FOXP1: variants seen among roughly 807,000 people sequenced by gnomAD.
FOXP1 encodes forkhead box protein P1.
Under a neutral mutation model 98.2 loss-of-function variants are expected in FOXP1, and 15 were observed. That is an observed-to-expected ratio of 0.15 (90% CI 0.10 to 0.24). The LOEUF (loss-of-function observed/expected upper bound fraction) is 0.24, where lower values mean the gene tolerates loss of function less well. Ranked by LOEUF, FOXP1 falls within the 10% of genes least tolerant of loss-of-function variation. The probability of loss-of-function intolerance (pLI) is 1.00; values close to 1 mark genes in which losing one functional copy is unlikely to be tolerated. For synonymous variants in FOXP1, 371 were observed against 314.5 expected, an observed-to-expected ratio of 1.18 and a Z score of -1.90; for missense variants, 633 against 848.5, an observed-to-expected ratio of 0.75 and a Z score of 3.15.
chr3:71,030,416 T>G (rs1244278719), intron 11 of FOXP1, among the ~76,000 whole-genome samples: 2 of 152,230 alleles, frequency 1.3e-5, no homozygotes, highest in East Asian at 3.8e-4. Context: ...CAGACCAACT[T>G]ACCCCAACAG....
At chr3:71,437,077 C>T (rs558603737) in intron 3 of FOXP1, among the ~76,000 whole-genome samples, 1 of 152,298 alleles carries the variant, frequency 6.6e-6, no homozygotes, top group South Asian at 2.1e-4. Context: ...TAACGTTTCT[C>T]AGTCTCTTTG....
intron 3 of FOXP1, among the ~76,000 whole-genome samples, chr3:71,492,549 T>G (rs553173824): frequency 6.6e-6 from 1 of 152,256 alleles, no homozygotes; most frequent in East Asian, 1.9e-4. Context: ...CCCTTTCTGC[T>G]TCACTACACT....
intron 12 of FOXP1, among the ~76,000 whole-genome samples, chr3:71,003,170 A>C (rs1487708253): frequency 6.6e-6 from 1 of 152,182 alleles, no homozygotes. Context: ...CCCTCGCCAA[A>C]CTGATAAAAG....
chr3:71,087,555 C>A (rs1194828806), intron 7 of FOXP1, among the ~76,000 whole-genome samples: 2 of 152,186 alleles, frequency 1.3e-5, no homozygotes, highest in Non-Finnish European at 2.9e-5. Context: ...CTGGTATTGA[C>A]AAAGGCTTAA....
At chr3:71,047,926 T>C (rs1205812254) in intron 9 of FOXP1, among the ~76,000 whole-genome samples, 1 of 152,232 alleles carries the variant, frequency 6.6e-6, no homozygotes, top group Non-Finnish European at 1.5e-5. Context: ...ATCATTCCTG[T>C]GTTTAGCAGG....
At chr3:71,100,019 A>G (rs2056818470) in intron 7 of FOXP1, among the ~76,000 whole-genome samples, 1 of 152,240 alleles carries the variant, frequency 6.6e-6, no homozygotes, top group South Asian at 2.1e-4. Flanking sequence ...CACAGAGTCT[A>G]TTAGACTTCC....
chr3:71,090,036 T>A (rs1360952153), intron 7 of FOXP1, among the ~76,000 whole-genome samples: 4 of 152,304 alleles, frequency 2.6e-5, no homozygotes, highest in African/African-American at 7.2e-5. Flanking sequence ...CCAGATTTTT[T>A]AAATCTTTGC....
intron 2 of FOXP1, among the ~76,000 whole-genome samples, chr3:71,520,643 GT>G (rs1407183789): frequency 6.6e-6 from 1 of 152,218 alleles, no homozygotes; most frequent in Non-Finnish European, 1.5e-5. Context: ...GATCTAAAAT[GT>G]TCTAGCAAAA....
chr3:71,336,696 C>T (rs975151974), intron 4 of FOXP1, among the ~76,000 whole-genome samples: 5 of 152,206 alleles, frequency 3.3e-5, no homozygotes, highest in Admixed American at 2.6e-4. Flanking sequence ...CACCGTGTTG[C>T]ATCTCCCAGT....
chr3:71,028,014 C>T (rs2046360817), intron 11 of FOXP1, among the ~76,000 whole-genome samples: 1 of 152,050 alleles, frequency 6.6e-6, no homozygotes, highest in East Asian at 1.9e-4. Context: ...TTGATCTGGG[C>T]CTTAACGTAT....
chr3:71,064,569 G>A (rs923970557), intron 7 of FOXP1, among the ~76,000 whole-genome samples: 2 of 151,856 alleles, frequency 1.3e-5, no homozygotes, highest in South Asian at 4.2e-4. Flanking sequence ...AAGGGGGGTG[G>A]GGGGGTATCT....
intron 5 of FOXP1, among the ~76,000 whole-genome samples, chr3:71,272,857 G>A (rs190549643): frequency 6.6e-6 from 1 of 152,214 alleles, no homozygotes. Flanking sequence ...TTCCCGAACT[G>A]CTAGGGGAAA....
chr3:70,982,672 T>C (rs2039057330), intron 14 of FOXP1, among the ~76,000 whole-genome samples: 1 of 152,136 alleles, frequency 6.6e-6, no homozygotes, highest in South Asian at 2.1e-4. Context: ...CTTGGTTGGC[T>C]ACCCACTATT....
At chr3:71,166,873 C>T (rs1279322131) in intron 6 of FOXP1, among the ~76,000 whole-genome samples, 1 of 152,088 alleles carries the variant, frequency 6.6e-6, no homozygotes, top group Non-Finnish European at 1.5e-5. Context: ...GACGATCCTT[C>T]TGAATTGTGT....
At chr3:71,557,479 C>T (rs986920987) in intron 2 of FOXP1, among the ~76,000 whole-genome samples, 1 of 152,060 alleles carries the variant, frequency 6.6e-6, no homozygotes, top group Non-Finnish European at 1.5e-5. Flanking sequence ...AACTCCTTCA[C>T]CTCATGGTGG....
chr3:71,342,467 C>T (rs1342477769), intron 4 of FOXP1, among the ~76,000 whole-genome samples: 1 of 152,000 alleles, frequency 6.6e-6, no homozygotes, highest in African/African-American at 2.4e-5. Context: ...GTCAGGAGTT[C>T]GAGAACAGCC....
intron 3 of FOXP1, among the ~76,000 whole-genome samples, chr3:71,400,363 ATT>A (rs34221027): frequency 2.9e-4 from 43 of 150,304 alleles, no homozygotes; most frequent in African/African-American, 9.8e-4. Context: ...TTTATGTATG[ATT>A]TTTTTTTTTG....
intron 3 of FOXP1, among the ~76,000 whole-genome samples, chr3:71,405,500 C>G (rs180840048): frequency 2.6e-5 from 4 of 152,252 alleles, no homozygotes; most frequent in Admixed American, 6.5e-5. Context: ...AAAACTGAAG[C>G]TAAGAGAATA....
chr3:71,532,273 T>G (rs2043917611), intron 2 of FOXP1, among the ~76,000 whole-genome samples: 1 of 152,144 alleles, frequency 6.6e-6, no homozygotes, highest in Non-Finnish European at 1.5e-5. Flanking sequence ...ATTTTTGTAT[T>G]TTTTGTAGAG....
Sources: gnomAD v4.1 joint callset for allele counts (sites outside exome capture counted in the v4.1 genomes callset) on GRCh38, gnomAD v4.1.1 for gene constraint, MANE v1.5 for transcripts, NCBI Gene and HGNC (gene_info 2026-07-23, HGNC 2026-07-21) for gene names.